Variants in CEP41 observed in about 807,000 individuals in gnomAD.
CEP41 encodes the protein centrosomal protein of 41 kDa.
Under a neutral mutation model 44.3 loss-of-function variants are expected in CEP41, and 32 were observed. That is an observed-to-expected ratio of 0.72 (90% confidence interval 0.54 to 0.97). The LOEUF (loss-of-function observed/expected upper bound fraction) is 0.97. CEP41 is among the 50% of genes least tolerant of loss of function. The probability of loss-of-function intolerance (pLI) is 0.00; values close to 1 mark genes in which losing one functional copy is unlikely to be tolerated. For missense variants in CEP41, 432 were observed against 455.2 expected, an observed-to-expected ratio of 0.95 and a Z score of 0.46; for synonymous variants, 151 against 168.5, an observed-to-expected ratio of 0.90 and a Z score of 0.80.
rs1554417864 is a variant in CEP41 at position 130,404,692 on chromosome 7, A to T, written c.294T>A (p.Ala98=). Residue 98 remains alanine (A), a synonymous_variant, in exon 6 of 11, where the codon GCT becomes GCA. Coordinates refer to ENST00000223208, the MANE Select transcript of CEP41 (RefSeq NM_018718.3). ...IQRLEDNDSA[A]SDPDAETTAR... ...CAGTGGTTTCAGCATCAGGGTCTGAAGCTGCAGAATCATTGTCTAATATTT... is the reference window on the plus strand; with the variant it reads ...CAGTGGTTTCAGCATCAGGGTCTGATGCTGCAGAATCATTGTCTAATATTT... 1 of 1,610,898 alleles carries T rather than the reference A, an allele frequency of 6.2e-7. No individual in the cohort carries two copies. The highest frequency in any genetic ancestry group is 8.5e-7 in the Non-Finnish European group (1 of 1,177,080).
Position 130,398,927 on chromosome 7 carries a change from G to A in CEP41, c.1086C>T (p.Leu362=). Residue 362 remains leucine (L), a synonymous_variant, in exon 11 of 11, where the codon CTC becomes CTT. Coordinates refer to ENST00000223208, the MANE Select transcript of CEP41 (RefSeq NM_018718.3). ...GPASHSNPRS[L]SSGHLQGKPW... ...GTTTGCCTTGCAGGTGACCACTGCT[G>A]AGGGAGCGGGGGTTTGAGTGGCTGG... The A allele has an allele frequency of 6.2e-7, 1 of 1,614,258 alleles. No homozygotes were observed. The highest frequency in any genetic ancestry group is 8.5e-7 in the Non-Finnish European group (1 of 1,180,044).
chr7:130,402,301 G>A (rs782388841), intron 7 of CEP41, among the ~76,000 whole-genome samples: 73 of 147,188 alleles, frequency 5.0e-4, no homozygotes, highest in Non-Finnish European at 3.9e-4. Flanking sequence ...AGCTGTGATC[G>A]CGCCACTACA....
intron 1 of CEP41, among the ~76,000 whole-genome samples, chr7:130,432,909 T>C (rs1489168955): frequency 2.6e-5 from 4 of 152,078 alleles, no homozygotes; most frequent in African/African-American, 9.7e-5. Context: ...AAAATCATGC[T>C]GAGGAGAGTG....
intron 2 of CEP41, chr7:130,421,435 A>T (rs756063996): frequency 3.1e-4 from 303 of 985,268 alleles, no homozygotes; most frequent in Non-Finnish European, 3.6e-4. Context: ...TCAATAAGTG[A>T]TATGTGTGTA....
At chr7:130,420,823 T>C in intron 2 of CEP41, 4 of 731,584 alleles carry the variant, frequency 5.5e-6, no homozygotes, top group Non-Finnish European at 6.7e-6. Context: ...CTGAATGAAA[T>C]TTACTATGGA....
chr7:130,429,418 G>A (rs1399560305), intron 1 of CEP41, among the ~76,000 whole-genome samples: 1 of 152,214 alleles, frequency 6.6e-6, no homozygotes, highest in Non-Finnish European at 1.5e-5. Context: ...TTAGAGTGGC[G>A]ATTGTGAAAG....
At chr7:130,412,105 A>T (rs1797199196) in intron 4 of CEP41, 74 bp downstream of exon 4, 1 of 840,672 alleles carries the variant, frequency 1.2e-6, no homozygotes, top group Non-Finnish European at 2.1e-6. Flanking sequence ...CTTTCCCTAG[A>T]GTTGAATTTA....
rs956690453 is a variant in CEP41 at position 130,400,585 on chromosome 7, C to T, written c.757+122G>A. 5.3e-6 allele frequency: 4 copies of T among 748,954 alleles called. No individual in the cohort carries two copies. In the Admixed American group the frequency reaches 6.1e-5, roughly 11 times the overall value. 46.4% of individuals were successfully genotyped at this position (748,954 alleles called of 1,614,324 possible). Reference sequence around the variant, plus strand: ...CACATAACTCCTGACTCCTTTCAGCCAGCATGGCTTTTTCTCTTTCCAGAA... The same window carrying T: ...CACATAACTCCTGACTCCTTTCAGCTAGCATGGCTTTTTCTCTTTCCAGAA... On this transcript the variant is annotated intron_variant, in intron 9 of 10. Transcript: ENST00000223208.
At chr7:130,440,558 A>T in intron 1 of CEP41, 1 of 439,352 alleles carries the variant, frequency 2.3e-6, no homozygotes, top group East Asian at 4.8e-5. Flanking sequence ...TATCCCCACA[A>T]TCAGAGATGC....
In CEP41 at chr7:130,398,803, G is replaced by A; in HGVS notation, c.*88C>T. On this transcript the variant is annotated 3_prime_UTR_variant, in exon 11 of 11. Coordinates refer to ENST00000223208, the MANE Select transcript of CEP41 (RefSeq NM_018718.3). ...CATATGTCATGGTCTTTCCTCTGCA[G>A]AAGTTTCTGGAAATGACCCAACTTG... 1 of 1,470,256 alleles carries A rather than the reference G, an allele frequency of 6.8e-7. No individual in the cohort carries two copies. Among genetic ancestry groups the A allele is most frequent in the Middle Eastern group, 1.7e-4 (1 of 5,798 alleles). 91.1% of individuals were successfully genotyped at this position (1,470,256 alleles called of 1,614,324 possible).
At chr7:130,403,666 T>A (rs1221552371) in intron 6 of CEP41, among the ~76,000 whole-genome samples, 1 of 152,190 alleles carries the variant, frequency 6.6e-6, no homozygotes, top group Non-Finnish European at 1.5e-5. Context: ...TCCTTTCCCA[T>A]AACAGCAAAT....
At chr7:130,416,284 C>G (rs1392421396) in intron 3 of CEP41, among the ~76,000 whole-genome samples, 1 of 152,208 alleles carries the variant, frequency 6.6e-6, no homozygotes, top group Non-Finnish European at 1.5e-5. Flanking sequence ...TTCCTTAATT[C>G]TGGCCTTGAA....
In CEP41 at chr7:130,394,855, T is replaced by C. The variant is rs1362230186; in HGVS notation, c.*4036A>G. 8.8e-6 allele frequency: 4 copies of C among 454,022 alleles called. No individual in the cohort carries two copies. The highest frequency in any genetic ancestry group is 8.8e-6 in the Non-Finnish European group (2 of 226,808). 28.1% of individuals were successfully genotyped at this position (454,022 alleles called of 1,614,324 possible). On this transcript the variant is annotated 3_prime_UTR_variant, in exon 11 of 11. Transcript: ENST00000223208. Reference sequence around the variant, plus strand: ...AAATAATTGCAACAGGAAGACATATTGATATCCTTTAAAAGATGCAGCCCA... The same window carrying C: ...AAATAATTGCAACAGGAAGACATATCGATATCCTTTAAAAGATGCAGCCCA...
Position 130,411,180 on chromosome 7 carries a change from A to G in CEP41, c.219T>C (p.Val73=). 6.2e-7 allele frequency: 1 copy of G among 1,613,588 alleles called. No individual in the cohort carries two copies. ...VTTFAQLIIQ[V]ASLSDQTLEV... is the part of the protein sequence containing the mutation. ...CCAGTGTTTGATCAGAGAGGGAAGC[A>G]ACTTGGATGATCTGATAGAAAAAAG... The change falls in exon 5 of 11, where the codon GTT becomes GTC. Residue 73 remains valine (V), a synonymous_variant. Transcript: ENST00000223208.
At chr7:130,425,215 A>G (rs1797625910) in intron 2 of CEP41, among the ~76,000 whole-genome samples, 2 of 145,200 alleles carry the variant, frequency 1.4e-5, no homozygotes, top group East Asian at 2.0e-4. Context: ...GGAGTTTGAG[A>G]CAAGCCTAGC....
At position 130,394,155 on chromosome 7, in the gene CEP41, G is replaced by T; in HGVS notation, c.*4736C>A. ...AGAGGCATCACCAAAGGAGAACATGGTTGTGCCCACCCAGAGTGAGAAGCA... is the reference window on the plus strand; with the variant it reads ...AGAGGCATCACCAAAGGAGAACATGTTTGTGCCCACCCAGAGTGAGAAGCA... On this transcript the variant is annotated 3_prime_UTR_variant, in exon 11 of 11. Transcript: ENST00000223208. The T allele has an allele frequency of 2.2e-6, 1 of 454,096 alleles. No individual in the cohort carries two copies. The highest frequency in any genetic ancestry group is 4.4e-6 in the Non-Finnish European group (1 of 226,786). 28.1% of individuals were successfully genotyped at this position (454,096 alleles called of 1,614,324 possible). A position where few individuals can be genotyped will look rare whatever the true frequency, so the allele number is the denominator to read the frequency against.
At position 130,419,467 on chromosome 7, in the gene CEP41, GA is replaced by G. The variant is rs138912501; in HGVS notation, c.98-2502del. 2,120 of 984,476 alleles carry G rather than the reference GA, an allele frequency of 2.2e-3. 36 individuals carry two copies. The African/African-American group carries it at 0.034, about 16-fold the overall frequency. The allele number at this position is 984,476 out of a possible 1,614,324, so 61.0% of individuals were successfully genotyped here. ...CTAATTGCATCTGAAGATAGTTTCTGACTACCTTTTAAAAAGATTGGAAATG... is the reference window on the plus strand; with the variant it reads ...CTAATTGCATCTGAAGATAGTTTCTGCTACCTTTTAAAAAGATTGGAAATG... On this transcript the variant is annotated intron_variant, in intron 2 of 10. Coordinates refer to ENST00000223208, the MANE Select transcript of CEP41 (RefSeq NM_018718.3).
chr7:130,400,284 G>T, intron 9 of CEP41, 30 bp from the exon 10 acceptor site: 1 of 1,536,826 alleles, frequency 6.5e-7, no homozygotes, highest in Non-Finnish European at 9.0e-7. Flanking sequence ...AGAAAAAGCT[G>T]CATTAATATG....
Position 130,404,668 on chromosome 7 carries a change from A to G in CEP41, c.318T>C (p.Thr106=), listed in dbSNP as rs1276238810. Residue 106 remains threonine (T), a synonymous_variant, in exon 6 of 11, where the codon ACT becomes ACC. Transcript: ENST00000223208. ...SAASDPDAET[T]ARTNGKGNPG... is the part of the protein sequence containing the mutation. Reference sequence around the variant, plus strand: ...GATTTCCTTTCCCATTGGTCCTGGCAGTGGTTTCAGCATCAGGGTCTGAAG... The same window carrying G: ...GATTTCCTTTCCCATTGGTCCTGGCGGTGGTTTCAGCATCAGGGTCTGAAG... 1 of 1,612,548 alleles carries G rather than the reference A, an allele frequency of 6.2e-7. No homozygotes were observed. The highest frequency in any genetic ancestry group is 1.3e-5 in the African/African-American group (1 of 74,860).
Sources: gnomAD v4.1 joint callset for allele counts (sites outside exome capture counted in the v4.1 genomes callset) on GRCh38, gnomAD v4.1.1 for gene constraint, MANE v1.5 for transcripts, NCBI Gene and HGNC (gene_info 2026-07-23, HGNC 2026-07-21) for gene names.